The following IGDCC4 variants were observed in gnomAD, a reference collection of about 807,000 sequenced individuals.
The protein encoded by IGDCC4 is likely ortholog of mouse neighbor of Punc E11.
A neutral mutation model predicts 116.6 loss-of-function variants in IGDCC4; 72 were observed. The ratio of observed to expected loss-of-function variants is 0.62; its 90% CI spans 0.51 to 0.75. The LOEUF is 0.75. Among genes scored for constraint, IGDCC4 ranks in the 30% least tolerant of loss-of-function variants. The pLI is 0.00. For synonymous variants in IGDCC4, 709 were observed against 719.9 expected (o/e 0.98, Z 0.24); for missense variants, 1,501 against 1,662.4 (o/e 0.90, Z 1.69).
chr15:65,399,379 G>A (rs1449655352), intron 5 of IGDCC4, among the ~76,000 whole-genome samples: 3 of 148,360 alleles, frequency 2.0e-5, no homozygotes, highest in African/African-American at 5.0e-5. Flanking sequence ...GAGATCACCT[G>A]AGCCGGCAAA....
intron 1 of IGDCC4, among the ~76,000 whole-genome samples, chr15:65,411,827 G>A (rs138012681): frequency 2.6e-4 from 40 of 152,244 alleles, no homozygotes; most frequent in Non-Finnish European, 4.6e-4. Context: ...CAGTGACTGG[G>A]AGGAGGAAGG....
chr15:65,395,964 G>C lies in IGDCC4; in HGVS notation c.1197C>G (p.Asp399Glu). The C allele has an allele frequency of 6.3e-7, 1 of 1,584,074 alleles. No homozygotes were observed. Among genetic ancestry groups the C allele is most frequent in the Admixed American group, 1.7e-5 (1 of 58,730 alleles). ...CAGCCACGCACTGGTAGTAGCCGGC[G>C]TCCTGCAGGCCGATCTGTGTGATGA... ...SLVITQIGLQ[D>E]AGYYQCVAEN... Residue 399 changes from aspartate to glutamate, a missense_variant, in exon 7 of 20, where the codon GAC becomes GAG. Asp to Glu is a conservative substitution (Grantham distance 45). Coordinates refer to ENST00000352385, the MANE Select transcript of IGDCC4 (RefSeq NM_020962.3).
At chr15:65,385,198 G>A (rs1482405741) in intron 18 of IGDCC4, 83 bp from the exon 19 acceptor site, 4 of 1,378,268 alleles carry the variant, frequency 2.9e-6, no homozygotes, top group Non-Finnish European at 3.9e-6. Context: ...GAATTGGGAT[G>A]GGCCGCGGGG....
In IGDCC4 at chr15:65,393,621, G is replaced by A. The variant is rs142878363; in HGVS notation, c.1715-90C>T. The A allele has an allele frequency of 2.8e-4, 389 of 1,380,928 alleles. No homozygotes were observed. In the African/African-American group the frequency reaches 4.5e-3, roughly 16 times the overall value. The allele number at this position is 1,380,928 out of a possible 1,614,324, so 85.5% of individuals were successfully genotyped here. A position where few individuals can be genotyped will look rare whatever the true frequency, so the allele number is the denominator to read the frequency against. Reference sequence around the variant, plus strand: ...ACATGGCTCTTCCGCCTCACATCCCGGTTCCTCCGTGCCCGTGGGAGCCTG... The same window carrying A: ...ACATGGCTCTTCCGCCTCACATCCCAGTTCCTCCGTGCCCGTGGGAGCCTG... On this transcript the variant is annotated intron_variant, in intron 9 of 19. Coordinates refer to ENST00000352385, the MANE Select transcript of IGDCC4 (RefSeq NM_020962.3). The surrounding 1 kb of genome is among the most constrained non-coding windows in gnomAD (Gnocchi z 4.6).
intron 13 of IGDCC4, among the ~76,000 whole-genome samples, 166 bp downstream of exon 13, chr15:65,389,989 G>A (rs1290879649): frequency 2.0e-5 from 3 of 152,186 alleles, no homozygotes; most frequent in South Asian, 2.1e-4. Flanking sequence ...AGGCAAGGAC[G>A]TGGACCCTGT....
chr15:65,396,013 A>C lies in IGDCC4; in HGVS notation c.1148T>G (p.Val383Gly). ...APLRPNGRVK[V>G]QGGGGSLVIT... is the part of the protein sequence containing the mutation. ...GACCAGGCTGCCACCGCCGCCCTGG[A>C]CCTTGACGCGCCCGTTGGGCCGCAG... Residue 383 changes from valine to glycine, a missense_variant, in exon 7 of 20, where the codon GTC becomes GGC. Val to Gly is a moderately radical substitution (Grantham distance 109). Transcript: ENST00000352385. 6.6e-7 allele frequency: 1 copy of C among 1,511,828 alleles called. No homozygotes were observed. Among genetic ancestry groups the C allele is most frequent in the Non-Finnish European group, 8.8e-7 (1 of 1,137,498 alleles). 93.7% of individuals were successfully genotyped at this position (1,511,828 alleles called of 1,614,324 possible).
In IGDCC4 at chr15:65,392,162, TTTC is replaced by T. The variant is rs2062873449; in HGVS notation, c.2091_2093del (p.Lys698del). Reference sequence around the variant, plus strand: ...GCTGGGTCAGCTCATACTGCTTCACTTTCTTCTTGAGCCGGACAGGCCCCACAT... The same window carrying T: ...GCTGGGTCAGCTCATACTGCTTCACTTTCTTGAGCCGGACAGGCCCCACAT... On this transcript the variant is annotated inframe_deletion, in exon 11 of 20. Transcript: ENST00000352385. 2 of 1,611,810 alleles carry T rather than the reference TTTC, an allele frequency of 1.2e-6. No homozygotes were observed. The highest frequency in any genetic ancestry group is 1.3e-5 in the African/African-American group (1 of 74,696).
At chr15:65,410,501 G>T in intron 2 of IGDCC4, 182 bp from the exon 3 acceptor site, 1 of 664,996 alleles carries the variant, frequency 1.5e-6, no homozygotes, top group Non-Finnish European at 2.6e-6. Flanking sequence ...GTCAGATACT[G>T]CCAGCAGAAT....
intron 1 of IGDCC4, among the ~76,000 whole-genome samples, chr15:65,413,434 C>T (rs981426020): frequency 4.6e-5 from 7 of 152,156 alleles, no homozygotes; most frequent in Non-Finnish European, 1.0e-4. Context: ...AACCTACAGA[C>T]CCCAACACTG....
At position 65,411,240 on chromosome 15, in the gene IGDCC4, G is replaced by T. The variant is rs146641579; in HGVS notation, c.201C>A (p.Pro67=). The part of the protein sequence containing the change: ...CSLGAAAAGP[P]TRVTWSKDGD... The stretch of plus-strand genomic sequence containing the variant: ...CATCCTTGCTCCAGGTCACCCTGGT[G>T]GGGGGTCCAGCGGCAGCAGCCCCCA... The change falls in exon 2 of 20, where the codon CCC becomes CCA. Residue 67 remains proline, a synonymous_variant. Coordinates refer to ENST00000352385, the MANE Select transcript of IGDCC4 (RefSeq NM_020962.3). 1.6e-4 allele frequency: 260 copies of T among 1,614,096 alleles called. 2 individuals carry two copies. The East Asian group carries it at 2.0e-3, about 13-fold the overall frequency.
intron 6 of IGDCC4, 67 bp downstream of exon 6, chr15:65,396,767 A>G (rs1595783002): frequency 6.6e-7 from 1 of 1,521,286 alleles, no homozygotes; most frequent in Non-Finnish European, 8.8e-7. Flanking sequence ...CCACCCGTCC[A>G]CCTCCCCCTG....
At chr15:65,403,827 A>C (rs2063014821) in intron 3 of IGDCC4, among the ~76,000 whole-genome samples, 1 of 152,188 alleles carries the variant, frequency 6.6e-6, no homozygotes, top group Non-Finnish European at 1.5e-5. Context: ...CAGAGACCTT[A>C]CTTGAGAAAC....
intron 10 of IGDCC4, among the ~76,000 whole-genome samples, chr15:65,392,863 CCTTGCAACCCT>C (rs760458342): frequency 1.3e-5 from 2 of 152,064 alleles, no homozygotes; most frequent in African/African-American, 2.4e-5. Flanking sequence ...ATAACTTTAT[CCTTGCAACCCT>C]CTAAAATAGT....
intron 3 of IGDCC4, among the ~76,000 whole-genome samples, chr15:65,407,529 G>T (rs761810698): frequency 3.3e-5 from 5 of 151,764 alleles, no homozygotes; most frequent in South Asian, 2.1e-4. Context: ...TTTTGGTACA[G>T]ACGGGGTTTC....
chr15:65,412,996 A>G (rs2063111812), intron 1 of IGDCC4, among the ~76,000 whole-genome samples: 1 of 151,022 alleles, frequency 6.6e-6, no homozygotes, highest in South Asian at 2.1e-4. Context: ...TCCAAGAAAC[A>G]TTTAAAATGT....
At chr15:65,410,052 G>T in intron 3 of IGDCC4, 126 bp downstream of exon 3, 1 of 1,139,774 alleles carries the variant, frequency 8.8e-7, no homozygotes, top group Non-Finnish European at 1.2e-6. Context: ...GAGTCAGGCG[G>T]TGGTTAACAC....
chr15:65,395,287 C>A, intron 7 of IGDCC4, 29 bp from the exon 8 acceptor site: 1 of 1,592,102 alleles, frequency 6.3e-7, no homozygotes, highest in Non-Finnish European at 8.6e-7. Flanking sequence ...AGGGGACTGT[C>A]ATAGTGCCAC....
intron 5 of IGDCC4, among the ~76,000 whole-genome samples, chr15:65,398,406 T>C (rs900858577): frequency 1.3e-5 from 2 of 151,450 alleles, no homozygotes; most frequent in African/African-American, 4.9e-5. Flanking sequence ...TGGTGGTGCA[T>C]GCCTGTAATC....
At chr15:65,387,874 A>G (rs1238604975) in intron 16 of IGDCC4, among the ~76,000 whole-genome samples, 1 of 151,970 alleles carries the variant, frequency 6.6e-6, no homozygotes, top group Non-Finnish European at 1.5e-5. Context: ...CTTTGGGAGG[A>G]CGAGGTGGGT....
Sources: gnomAD v4.1 joint callset for allele counts (sites outside exome capture counted in the v4.1 genomes callset) on GRCh38, gnomAD v4.1.1 for gene constraint, Gnocchi (gnomAD v3.1) non-coding constraint, MANE v1.5 for transcripts, NCBI Gene and HGNC (gene_info 2026-07-23, HGNC 2026-07-21) for gene names.